Variants in THSD4 observed in about 807,000 individuals in gnomAD.
THSD4 encodes the protein thrombospondin type-1 domain-containing protein 4.
A neutral mutation model predicts 119.0 loss-of-function variants in THSD4; 69 were observed. That is an observed-to-expected ratio of 0.58 (90% confidence interval 0.48 to 0.71). The LOEUF is 0.71. Ranked by LOEUF, THSD4 falls within the 30% of genes least tolerant of loss-of-function variation. The probability of loss-of-function intolerance (pLI) is 0.00; values close to 1 mark genes in which losing one functional copy is unlikely to be tolerated. For missense variants in THSD4, 1,393 were observed against 1,391.1 expected, an observed-to-expected ratio of 1.00 and a Z score of -0.02; for synonymous variants, 524 against 540.4, an observed-to-expected ratio of 0.97 and a Z score of 0.42.
intron 7 of THSD4, among the ~76,000 whole-genome samples, chr15:71,569,830 C>G (rs1345284130): frequency 1.3e-5 from 2 of 152,100 alleles, no homozygotes; most frequent in African/African-American, 4.8e-5. Flanking sequence ...CCTATCTCTA[C>G]TAAAAATACA....
intron 7 of THSD4, among the ~76,000 whole-genome samples, chr15:71,566,668 C>G (rs1236898752): frequency 1.3e-5 from 2 of 152,116 alleles, no homozygotes; most frequent in African/African-American, 2.4e-5. Context: ...ATAACTTGCT[C>G]ACTAGGCCTT....
intron 4 of THSD4, among the ~76,000 whole-genome samples, chr15:71,237,120 G>A (rs4238434): frequency 0.98 from 148,656 of 152,132 alleles, 72,734 homozygotes; most frequent in East Asian, 1. Flanking sequence ...GCCAGGCTGT[G>A]TAGGTTGAGT....
chr15:71,540,564 G>A (rs1415687277), intron 7 of THSD4, among the ~76,000 whole-genome samples: 1 of 144,044 alleles, frequency 6.9e-6, no homozygotes, highest in East Asian at 2.0e-4. Flanking sequence ...GAGTAGATGG[G>A]ATTACAAGCA....
intron 7 of THSD4, among the ~76,000 whole-genome samples, chr15:71,565,501 A>AT (rs1360671773): frequency 6.6e-6 from 1 of 152,206 alleles, no homozygotes; most frequent in Non-Finnish European, 1.5e-5. Flanking sequence ...CAATTATGTG[A>AT]TACAGACAAT....
At chr15:71,409,711 T>C (rs1233575625) in intron 6 of THSD4, among the ~76,000 whole-genome samples, 1 of 152,154 alleles carries the variant, frequency 6.6e-6, no homozygotes, top group East Asian at 1.9e-4. Context: ...TTTCAGTGGC[T>C]TTGGAATAGA....
intron 6 of THSD4, among the ~76,000 whole-genome samples, chr15:71,304,277 C>T (rs1249516590): frequency 6.6e-6 from 1 of 151,956 alleles, no homozygotes; most frequent in East Asian, 2.0e-4. Context: ...CTGTGCTGCT[C>T]CTCACCAGGT....
At chr15:71,456,249 T>C (rs1351928776) in intron 7 of THSD4, among the ~76,000 whole-genome samples, 1 of 152,234 alleles carries the variant, frequency 6.6e-6, no homozygotes, top group African/African-American at 2.4e-5. Flanking sequence ...CTTTCCACCC[T>C]GTGTACTCCC....
chr15:71,738,033 A>T, intron 11 of THSD4, 26 bp downstream of exon 11: 1 of 1,611,128 alleles, frequency 6.2e-7, no homozygotes, highest in Non-Finnish European at 8.5e-7. Context: ...GGACGGGTGG[A>T]TCCCTGCAGA....
intron 7 of THSD4, among the ~76,000 whole-genome samples, chr15:71,615,618 G>T (rs995356589): frequency 6.6e-6 from 1 of 152,054 alleles, no homozygotes; most frequent in African/African-American, 2.4e-5. Flanking sequence ...AGAGGACCAG[G>T]CTTCTTCCTT....
rs751757640 is a variant in THSD4, at chr15:71,777,200, G to C, written c.2915-32G>C. 3 of 1,614,032 alleles carry C rather than the reference G, an allele frequency of 1.9e-6. No individual in the cohort carries two copies. In the Admixed American group the frequency reaches 5.0e-5, roughly 27 times the overall value. On this transcript the variant is annotated intron_variant, in intron 17 of 17. Coordinates refer to ENST00000261862, the MANE Select transcript of THSD4 (RefSeq NM_024817.3). Reference sequence around the variant, plus strand: ...TGGTCCAGGCTGCCTCTTGTGCTCAGGGAGTCTTCTGTTCATTCTCTTTCG... The same window carrying C: ...TGGTCCAGGCTGCCTCTTGTGCTCACGGAGTCTTCTGTTCATTCTCTTTCG...
chr15:71,561,271 G>GC (rs1304436777), intron 7 of THSD4, among the ~76,000 whole-genome samples: 1 of 152,098 alleles, frequency 6.6e-6, no homozygotes. Flanking sequence ...ACCGCACTCG[G>GC]CTCTCTTTAT....
intron 7 of THSD4, among the ~76,000 whole-genome samples, chr15:71,601,951 C>G (rs1010566186): frequency 2.0e-5 from 3 of 152,018 alleles, no homozygotes; most frequent in African/African-American, 7.2e-5. Context: ...GGCTTTTTTT[C>G]TCTTCAGGGT....
At position 71,199,020 on chromosome 15, in the gene THSD4, A is replaced by C. The variant is rs370062709; in HGVS notation, c.100-16015A>C. 3.3e-5 allele frequency among the ~76,000 whole-genome samples: 5 copies of C among 152,190 alleles called. No individual in the cohort carries two copies. The East Asian group carries it at 9.6e-4, about 29-fold the overall frequency. ...CTGGCAATCCCCTACTGTATATTTT[A>C]TTAGTGACCTTGTTTAAAAATAGCC... On this transcript the variant is annotated intron_variant, in intron 3 of 17. Coordinates refer to ENST00000261862, the MANE Select transcript of THSD4 (RefSeq NM_024817.3).
intron 7 of THSD4, among the ~76,000 whole-genome samples, chr15:71,613,732 A>G (rs2050271400): frequency 6.6e-6 from 1 of 152,144 alleles, no homozygotes; most frequent in Non-Finnish European, 1.5e-5. Flanking sequence ...TCTCATCTAA[A>G]CCATAGGTTC....
chr15:71,402,322 A>G (rs2046547732), intron 6 of THSD4, among the ~76,000 whole-genome samples: 3 of 152,076 alleles, frequency 2.0e-5, no homozygotes, highest in Non-Finnish European at 4.4e-5. Flanking sequence ...GCACCCTCTC[A>G]ATATAATTAT....
intron 6 of THSD4, among the ~76,000 whole-genome samples, chr15:71,390,046 G>A (rs888547257): frequency 2.0e-5 from 3 of 151,812 alleles, no homozygotes; most frequent in Non-Finnish European, 4.4e-5. Flanking sequence ...TTTGTGATCC[G>A]CCCACCTCAG....
At chr15:71,249,510 A>G (rs1235615900) in intron 5 of THSD4, among the ~76,000 whole-genome samples, 2 of 151,534 alleles carry the variant, frequency 1.3e-5, no homozygotes, top group African/African-American at 2.4e-5. Context: ...TTGACTTCAT[A>G]TATATATACA....
At chr15:71,101,584 GC>G (rs1349571959) in intron 1 of THSD4, among the ~76,000 whole-genome samples, 2 of 152,144 alleles carry the variant, frequency 1.3e-5, no homozygotes, top group South Asian at 4.1e-4. Context: ...ATTCTCCTTA[GC>G]ATTTCTTATG....
rs887140278 is a variant in THSD4, at chr15:71,782,664, A to G, written c.*5290A>G. The stretch of plus-strand genomic sequence containing the variant: ...ATGATTGATGTCTTTTTCTCAGTCC[A>G]TAGTTACAATTGTTTAGTATGCTAA... On this transcript the variant is annotated 3_prime_UTR_variant, in exon 18 of 18. Coordinates refer to ENST00000261862, the MANE Select transcript of THSD4 (RefSeq NM_024817.3). 6.6e-6 allele frequency: 1 copy of G among 152,220 alleles called. No individual in the cohort carries two copies. The highest frequency in any genetic ancestry group is 6.5e-5 in the Admixed American group (1 of 15,290). The allele number at this position is 152,220 out of a possible 1,614,324, so 9.4% of individuals were successfully genotyped here. A position where few individuals can be genotyped will look rare whatever the true frequency, so the allele number is the denominator to read the frequency against.
Sources: gnomAD v4.1 joint callset for allele counts (sites outside exome capture counted in the v4.1 genomes callset) on GRCh38, gnomAD v4.1.1 for gene constraint, MANE v1.5 for transcripts, NCBI Gene and HGNC (gene_info 2026-07-23, HGNC 2026-07-21) for gene names.